Variants in ALPK2 observed in about 807,000 individuals in gnomAD.
ALPK2 encodes the protein alpha kinase 2, also known as alpha-protein kinase 2.
ALPK2 carries 127 observed loss-of-function variants against 163.1 expected under a neutral mutation model. That is an observed-to-expected ratio of 0.78 (90% CI 0.67 to 0.90). The LOEUF (loss-of-function observed/expected upper bound fraction) is 0.90. ALPK2 is among the 40% of genes least tolerant of loss of function. The probability of loss-of-function intolerance (pLI) is 0.00; values close to 1 mark genes in which losing one functional copy is unlikely to be tolerated. For synonymous variants in ALPK2, 953 were observed against 959.1 expected, an observed-to-expected ratio of 0.99 and a Z score of 0.12; for missense variants, 2,360 against 2,589.6, an observed-to-expected ratio of 0.91 and a Z score of 1.92.
chr18:58,492,027 C>CA (rs376777511), intron 12 of ALPK2, among the ~76,000 whole-genome samples: 10 of 152,364 alleles, frequency 6.6e-5, no homozygotes, highest in African/African-American at 2.4e-4. Context: ...TCCGTATTGA[C>CA]AAACTCTGAA....
rs10653750 is a variant in ALPK2, at chr18:58,525,967, G to GAAAAAAAAA, written c.5502-1914_5502-1906dup. Among the ~76,000 whole-genome samples, 68 of 117,304 alleles carry GAAAAAAAAA rather than the reference G, an allele frequency of 5.8e-4. 8 individuals carry two copies. The highest frequency in any genetic ancestry group is 5.1e-3 in the Middle Eastern group (1 of 196). 77.0% of individuals were successfully genotyped at this position (117,304 alleles called of 152,430 possible). ...TACTGGGGGATTCAATGATGAAAAA[G>GAAAAAAAAA]AAAAAAAAAAAAAAAAAAAGGCACA... On this transcript the variant is annotated intron_variant, in intron 6 of 12. Transcript: ENST00000361673.
intron 3 of ALPK2, among the ~76,000 whole-genome samples, chr18:58,588,181 T>G (rs1399620177): frequency 6.6e-6 from 1 of 152,200 alleles, no homozygotes; most frequent in Non-Finnish European, 1.5e-5. Context: ...TATCAAGATT[T>G]AATAAAATTA....
chr18:58,528,983 C>T lies in ALPK2; in HGVS notation c.5501+108G>A, dbSNP rs759369438. The T allele has an allele frequency of 2.2e-6, 3 of 1,376,876 alleles. No individual in the cohort carries two copies. In the East Asian group the frequency reaches 7.0e-5, roughly 32 times the overall value. 85.3% of individuals were successfully genotyped at this position (1,376,876 alleles called of 1,614,324 possible). On this transcript the variant is annotated intron_variant, in intron 6 of 12. Coordinates refer to ENST00000361673, the MANE Select transcript of ALPK2 (RefSeq NM_052947.4). ...TATTGTGGATGTGGAATCTCTGCTT[C>T]AATTTTCCTTTTCACGTCCTATAAT... is the stretch of plus-strand genomic sequence containing the variant.
intron 3 of ALPK2, among the ~76,000 whole-genome samples, chr18:58,589,472 C>G (rs1054257493): frequency 7.2e-5 from 11 of 152,134 alleles, no homozygotes; most frequent in Non-Finnish European, 1.3e-4. Context: ...ATCCACAGGA[C>G]TAGTAACCCT....
chr18:58,511,517 C>A (rs564699979), intron 10 of ALPK2: 1 of 152,220 alleles, frequency 6.6e-6, no homozygotes, highest in Non-Finnish European at 1.5e-5. Context: ...GGAACAATGC[C>A]CTGTACTTCT....
At chr18:58,562,161 G>T (rs1433931067) in intron 4 of ALPK2, among the ~76,000 whole-genome samples, 1 of 152,158 alleles carries the variant, frequency 6.6e-6, no homozygotes, top group African/African-American at 2.4e-5. Context: ...TCACAGTTTT[G>T]TTACATGGAC....
At chr18:58,494,913 C>A (rs2051393813) in intron 12 of ALPK2, among the ~76,000 whole-genome samples, 1 of 152,190 alleles carries the variant, frequency 6.6e-6, no homozygotes, top group Non-Finnish European at 1.5e-5. Flanking sequence ...GCAGCTTTGA[C>A]ATTCACTGGA....
At chr18:58,522,636 T>C (rs2051561077) in intron 8 of ALPK2, among the ~76,000 whole-genome samples, 1 of 152,230 alleles carries the variant, frequency 6.6e-6, no homozygotes, top group Admixed American at 6.5e-5. Context: ...TTTGGGAATC[T>C]GCTCAGCTAG....
At chr18:58,590,401 G>C (rs375352342) in intron 3 of ALPK2, among the ~76,000 whole-genome samples, 3 of 152,092 alleles carry the variant, frequency 2.0e-5, no homozygotes, top group Non-Finnish European at 4.4e-5. Context: ...TGCAGGGGGA[G>C]GGAGGCCTCT....
intron 9 of ALPK2, 57 bp from the exon 10 acceptor site, chr18:58,515,138 T>G (rs1434970963): frequency 7.5e-6 from 10 of 1,339,902 alleles, no homozygotes; most frequent in Non-Finnish European, 1.1e-5. Context: ...CAGACAGTAT[T>G]GCCCAGTAAG....
Position 58,515,087 on chromosome 18 carries a change from T to C in ALPK2, c.5941-6A>G. On this transcript the variant is annotated splice_region_variant and splice_polypyrimidine_tract_variant and intron_variant, in intron 9 of 12. Coordinates refer to ENST00000361673, the MANE Select transcript of ALPK2 (RefSeq NM_052947.4). ...GTATTTTGAACATAGCATTCCTATA[T>C]CGCCAAAATACATAGAAAGCCCCAG... 2 of 1,607,504 alleles carry C rather than the reference T, an allele frequency of 1.2e-6. No homozygotes were observed. The highest frequency in any genetic ancestry group is 1.7e-6 in the Non-Finnish European group (2 of 1,175,604).
chr18:58,534,632 G>A (rs567153794), intron 5 of ALPK2, among the ~76,000 whole-genome samples: 36 of 152,260 alleles, frequency 2.4e-4, no homozygotes, highest in African/African-American at 7.0e-4. Flanking sequence ...CACACACTGG[G>A]GGAGGGGAGC....
chr18:58,619,948 A>C (rs2052189495), intron 1 of ALPK2, among the ~76,000 whole-genome samples: 1 of 152,268 alleles, frequency 6.6e-6, no homozygotes, highest in African/African-American at 2.4e-5. Flanking sequence ...GGTAGACAAA[A>C]TGTGGCATAG....
chr18:58,502,947 C>T (rs919646225), intron 11 of ALPK2, among the ~76,000 whole-genome samples: 2 of 152,216 alleles, frequency 1.3e-5, no homozygotes, highest in African/African-American at 4.8e-5. Context: ...GCAGGGCTCC[C>T]TGCAGATGTC....
At chr18:58,580,836 C>G in intron 3 of ALPK2, 1 of 402,398 alleles carries the variant, frequency 2.5e-6, no homozygotes, top group Admixed American at 4.0e-5. Context: ...AATGCCATGG[C>G]AGGGTCAGGA....
chr18:58,568,578 T>C (rs6566982), intron 4 of ALPK2, among the ~76,000 whole-genome samples: 124,169 of 152,140 alleles, frequency 0.82, 50,900 homozygotes, highest in East Asian at 1. Flanking sequence ...GGGGCTTGTA[T>C]GTCTGTATAC....
In ALPK2 at chr18:58,513,036, TGTGTG is replaced by T. The variant is rs2051501769; in HGVS notation, c.6029+1952_6029+1956del. Among the ~76,000 whole-genome samples the T allele has an allele frequency of 2.2e-5, 3 of 138,064 alleles. No homozygotes were observed. In the Admixed American group the frequency reaches 2.2e-4, roughly 10 times the overall value. 90.6% of individuals were successfully genotyped at this position (138,064 alleles called of 152,430 possible). ...TGGGGTGTGTGTGGTGTGTGGTTTGTGTGTGGTGTGGTGTGTTTGTGCATATGGTG... is the reference window on the plus strand; with the variant it reads ...TGGGGTGTGTGTGGTGTGTGGTTTGTGTGTGGTGTGTTTGTGCATATGGTG... On this transcript the variant is annotated intron_variant, in intron 10 of 12. Coordinates refer to ENST00000361673, the MANE Select transcript of ALPK2 (RefSeq NM_052947.4).
At chr18:58,487,780 G>A (rs1034742087) in intron 12 of ALPK2, among the ~76,000 whole-genome samples, 4 of 152,150 alleles carry the variant, frequency 2.6e-5, no homozygotes. Flanking sequence ...CCAGCACTTT[G>A]GGAGGCTGAA....
At chr18:58,569,946 T>C (rs1017274262) in intron 4 of ALPK2, among the ~76,000 whole-genome samples, 3 of 151,952 alleles carry the variant, frequency 2.0e-5, no homozygotes, top group African/African-American at 7.3e-5. Context: ...CTGGCTAACA[T>C]GGTGAAACCC....
Sources: allele counts gnomAD v4.1 joint callset (sites outside exome capture counted in the v4.1 genomes callset), GRCh38; gene constraint gnomAD v4.1.1; transcripts MANE v1.5; gene names NCBI Gene and HGNC (gene_info 2026-07-23, HGNC 2026-07-21).